The following CIB1 variants were observed in gnomAD, a reference collection of about 807,000 sequenced individuals.
CIB1 encodes calcium and integrin-binding protein 1.
Under a neutral mutation model 25.0 loss-of-function variants are expected in CIB1, and 19 were observed. The observed-to-expected ratio is 0.76, with a 90% CI of 0.53 to 1.12. The LOEUF is 1.12. Ranked by LOEUF, CIB1 falls within the 50% of genes most tolerant of loss-of-function variation. The pLI is 0.00. For missense variants in CIB1, 236 were observed against 242.6 expected (o/e 0.97, Z 0.18); for synonymous variants, 104 against 98.5 (o/e 1.06, Z -0.33).
In CIB1 at chr15:90,230,340, C is replaced by T; in HGVS notation, c.*144G>A. The T allele has an allele frequency of 2.2e-6, 2 of 895,182 alleles. No homozygotes were observed. Among genetic ancestry groups the T allele is most frequent in the Admixed American group, 4.9e-5 (2 of 40,888 alleles). 55.5% of individuals were successfully genotyped at this position (895,182 alleles called of 1,614,324 possible). ...GGAGAGGCCCTGACAACGAGGGCCG[C>T]CCCTGCCCGGGGTGAGGCTGCACAG... is the stretch of plus-strand genomic sequence containing the variant. On this transcript the variant is annotated 3_prime_UTR_variant, in exon 7 of 7. Transcript: ENST00000328649.
the CIB1 span, among the ~76,000 whole-genome samples, chr15:90,247,424 C>T: frequency 6.6e-6 from 1 of 150,986 alleles, no homozygotes. Context: ...TAGGCTGCCA[C>T]TCCTAGCCAG....
At chr15:90,259,054 T>A in the CIB1 span, 47 of 1,521,206 alleles carry the variant, frequency 3.1e-5, no homozygotes, top group Non-Finnish European at 3.1e-5. Flanking sequence ...AGATAATATG[T>A]TCATATTTGC....
At chr15:90,239,053 G>A in the CIB1 span, among the ~76,000 whole-genome samples, 1 of 152,152 alleles carries the variant, frequency 6.6e-6, no homozygotes, top group Non-Finnish European at 1.5e-5. Flanking sequence ...GTGTGTGAGT[G>A]TATAGGATGT....
At chr15:90,248,718 CAAAAAAAAAAAAAAAAAAAAAAAAAAA>C in the CIB1 span, among the ~76,000 whole-genome samples, 1 of 27,766 alleles carries the variant, frequency 3.6e-5, no homozygotes, top group Non-Finnish European at 6.7e-5. Flanking sequence ...GACCCTGTCT[CAAAAAAAAAAAAAAAAAAAAAAAAAAA>C]AAAAAAAAAA....
At chr15:90,262,904 C>T in the CIB1 span, 3 of 1,484,372 alleles carry the variant, frequency 2.0e-6, no homozygotes, top group Non-Finnish European at 2.7e-6. Flanking sequence ...TGTAGCCATC[C>T]TGGGTGATGG....
the CIB1 span, among the ~76,000 whole-genome samples, chr15:90,252,125 C>T: frequency 6.6e-6 from 1 of 151,236 alleles, no homozygotes; most frequent in Non-Finnish European, 1.5e-5. Flanking sequence ...CTGCAACCTC[C>T]ACCACCCAGG....
the CIB1 span, chr15:90,250,600 C>G: frequency 1.9e-6 from 3 of 1,601,474 alleles, no homozygotes; most frequent in East Asian, 4.5e-5. Context: ...ACACTTCATT[C>G]CCACCCCGCA....
chr15:90,231,664 G>A (rs1025979890), intron 3 of CIB1, among the ~76,000 whole-genome samples, 157 bp from the exon 4 acceptor site: 25 of 152,202 alleles, frequency 1.6e-4, no homozygotes, highest in Non-Finnish European at 2.2e-4. Flanking sequence ...GGCAGTGGGG[G>A]CACAGGAAAG....
chr15:90,247,840 TG>T, the CIB1 span, among the ~76,000 whole-genome samples: 1 of 151,560 alleles, frequency 6.6e-6, no homozygotes, highest in African/African-American at 2.4e-5. Context: ...ACCATTCTCC[TG>T]CCTCAGCCTT....
chr15:90,247,296 T>C, the CIB1 span, among the ~76,000 whole-genome samples: 16 of 147,982 alleles, frequency 1.1e-4, no homozygotes, highest in African/African-American at 3.2e-4. Flanking sequence ...CTTTTCTTTT[T>C]TCTTTTTTTT....
At chr15:90,235,772 GT>G (rs1824617013), upstream of CIB1, among the ~76,000 whole-genome samples, 1 of 151,990 alleles carries the variant, frequency 6.6e-6, no homozygotes, top group South Asian at 2.1e-4. Context: ...GTTTCACCCT[GT>G]TAGCCAGGAT....
chr15:90,258,047 G>T, the CIB1 span: 4 of 1,613,988 alleles, frequency 2.5e-6, no homozygotes, highest in Non-Finnish European at 3.4e-6. Context: ...GGAAGCTGTC[G>T]ACACTCAACA....
At chr15:90,233,565 T>C in intron 2 of CIB1, 104 bp downstream of exon 2, 1 of 1,407,668 alleles carries the variant, frequency 7.1e-7, no homozygotes, top group Non-Finnish European at 9.8e-7. Flanking sequence ...CTCCCGCTCC[T>C]CTGCAGACCT....
chr15:90,258,383 C>A, the CIB1 span: 24 of 917,358 alleles, frequency 2.6e-5, no homozygotes, highest in Non-Finnish European at 4.0e-5. Context: ...GATGTGAAAG[C>A]CCTGGGGTGG....
chr15:90,257,752 C>T, the CIB1 span: 1 of 1,602,924 alleles, frequency 6.2e-7, no homozygotes, highest in Admixed American at 1.7e-5. Context: ...CTCCTGCTTC[C>T]TCTGCCCCTT....
At chr15:90,255,801 T>C in the CIB1 span, 1 of 1,614,196 alleles carries the variant, frequency 6.2e-7, no homozygotes, top group Non-Finnish European at 8.5e-7. Flanking sequence ...CGCAAAGATC[T>C]GCTGGCTCGG....
chr15:90,261,400 T>C, the CIB1 span, among the ~76,000 whole-genome samples: 1 of 148,114 alleles, frequency 6.8e-6, no homozygotes, highest in East Asian at 2.0e-4. Flanking sequence ...TTTTTTCAAA[T>C]GGAAAGCTAA....
chr15:90,250,389 T>C, the CIB1 span, among the ~76,000 whole-genome samples: 1 of 152,208 alleles, frequency 6.6e-6, no homozygotes, highest in Non-Finnish European at 1.5e-5. Flanking sequence ...ACCTGGATGA[T>C]TGGGGCTTGT....
At chr15:90,237,133 G>C (rs1367961330), upstream of CIB1, among the ~76,000 whole-genome samples, 1 of 150,670 alleles carries the variant, frequency 6.6e-6, no homozygotes, top group African/African-American at 2.4e-5. Flanking sequence ...TAATTTTTTT[G>C]TATTTTTAGT....
Sources: allele counts gnomAD v4.1 joint callset (sites outside exome capture counted in the v4.1 genomes callset), GRCh38; gene constraint gnomAD v4.1.1; transcripts MANE v1.5; gene names NCBI Gene and HGNC (gene_info 2026-07-23, HGNC 2026-07-21).